Variants in SKOR2 observed in about 807,000 individuals in gnomAD.
SKOR2 encodes the protein LBX1 corepressor 1-like protein.
A neutral mutation model predicts 69.1 loss-of-function variants in SKOR2; 47 were observed. That is an observed-to-expected ratio of 0.68 (90% CI 0.54 to 0.87). The LOEUF is 0.87. Ranked by LOEUF, SKOR2 falls within the 40% of genes least tolerant of loss-of-function variation. SKOR2 has a pLI of 0.00. For missense variants in SKOR2, 1,404 were observed against 1,472.2 expected, an observed-to-expected ratio of 0.95 and a Z score of 0.76; for synonymous variants, 717 against 672.6, an observed-to-expected ratio of 1.07 and a Z score of -1.02.
intron 7 of SKOR2, among the ~76,000 whole-genome samples, chr18:47,215,493 T>A (rs1041695454): frequency 1.3e-5 from 2 of 152,114 alleles, no homozygotes; most frequent in African/African-American, 4.8e-5. Context: ...AAGAGCTGTG[T>A]CCTTGCCAAA....
chr18:47,240,162 A>G (rs79766080), intron 4 of SKOR2, among the ~76,000 whole-genome samples: 4,493 of 152,272 alleles, frequency 0.03, 214 homozygotes, highest in African/African-American at 0.1. Flanking sequence ...ACTTCTATAC[A>G]TATAAAAAGA....
At chr18:47,223,621 A>T (rs1459513545) in intron 6 of SKOR2, among the ~76,000 whole-genome samples, 1 of 152,256 alleles carries the variant, frequency 6.6e-6, no homozygotes, top group Non-Finnish European at 1.5e-5. Context: ...GTGTAGTAAC[A>T]GAACGAGGCA....
At chr18:47,208,118 G>T (rs1220068134) in intron 8 of SKOR2, among the ~76,000 whole-genome samples, 2 of 152,178 alleles carry the variant, frequency 1.3e-5, no homozygotes, top group African/African-American at 4.8e-5. Context: ...GAGATTAAAT[G>T]ATGTTACTCA....
intron 4 of SKOR2, among the ~76,000 whole-genome samples, chr18:47,239,263 C>T (rs932953387): frequency 6.6e-6 from 1 of 151,996 alleles, no homozygotes; most frequent in Non-Finnish European, 1.5e-5. Context: ...GGGATATAGA[C>T]TTCTAATTTC....
chr18:47,231,636 G>T (rs1600036003), intron 4 of SKOR2, among the ~76,000 whole-genome samples: 1 of 152,158 alleles, frequency 6.6e-6, no homozygotes, highest in African/African-American at 2.4e-5. Context: ...TTGACGTCAG[G>T]AGTTCAAGAC....
At chr18:47,249,719 A>T (rs1326890089) in intron 1 of SKOR2, among the ~76,000 whole-genome samples, 1 of 152,120 alleles carries the variant, frequency 6.6e-6, no homozygotes, top group Admixed American at 6.5e-5. Context: ...TTAAAAAGTG[A>T]TTTTCTTGGT....
At chr18:47,227,588 C>T (rs1020766450) in intron 6 of SKOR2, among the ~76,000 whole-genome samples, 6 of 152,128 alleles carry the variant, frequency 3.9e-5, no homozygotes, top group African/African-American at 1.2e-4. Flanking sequence ...GGCTCAGCCT[C>T]CCAAAGTGCT....
Position 47,249,699 on chromosome 18 carries a change from C to T in SKOR2, c.-47-469G>A, listed in dbSNP as rs547392340. Among the ~76,000 whole-genome samples the T allele has an allele frequency of 2.0e-5, 3 of 152,122 alleles. No homozygotes were observed. In the South Asian group the frequency reaches 6.2e-4, roughly 32 times the overall value. ...ATTGATTTTGGTTAAAAAGTAACCC[C>T]CAAAACCCTTTAAAAAGTGATTTTC... On this transcript the variant is annotated intron_variant, in intron 1 of 8. Transcript: ENST00000425639.
At chr18:47,245,433 A>C in intron 3 of SKOR2, 65 bp downstream of exon 3, 1 of 1,394,818 alleles carries the variant, frequency 7.2e-7, no homozygotes, top group East Asian at 2.6e-5. Flanking sequence ...GCTGGGCATA[A>C]GTCTCACAGA....
intron 4 of SKOR2, among the ~76,000 whole-genome samples, chr18:47,241,236 A>G (rs1181312923): frequency 1.3e-5 from 2 of 152,240 alleles, no homozygotes. Context: ...AATGAATGCT[A>G]TCATGTAGAT....
At chr18:47,251,307 G>C (rs899540014) in intron 1 of SKOR2, 67 bp downstream of exon 1, 1 of 152,160 alleles carries the variant, frequency 6.6e-6, no homozygotes, top group Non-Finnish European at 1.5e-5. Context: ...AAATCCTACC[G>C]CTGGGGATCT....
chr18:47,250,983 G>A (rs906668047), intron 1 of SKOR2, among the ~76,000 whole-genome samples: 3 of 152,082 alleles, frequency 2.0e-5, no homozygotes, highest in Non-Finnish European at 4.4e-5. Context: ...CAGCCGGGGC[G>A]GGAAGCTGGC....
intron 4 of SKOR2, among the ~76,000 whole-genome samples, chr18:47,238,462 A>G (rs2064235116): frequency 6.6e-6 from 1 of 151,170 alleles, no homozygotes; most frequent in South Asian, 2.1e-4. Flanking sequence ...AGCTGGGATT[A>G]CAGGTGGCTG....
At chr18:47,235,787 A>C (rs1007863790) in intron 4 of SKOR2, among the ~76,000 whole-genome samples, 1 of 150,142 alleles carries the variant, frequency 6.7e-6, no homozygotes, top group African/African-American at 2.4e-5. Context: ...AAGCAAAAAA[A>C]AAAAAAAAAA....
rs1021864194 is a variant in SKOR2, at chr18:47,246,779, C to G, written c.2405G>C (p.Arg802Pro). ...GPSEKGSSRDRAPAVAGAFPL... is the reference protein window; with the variant it reads ...GPSEKGSSRDPAPAVAGAFPL... ...GAACGCGCCCGCGACGGCCGGCGCG[C>G]GGTCCCGGCTGCTCCCCTTCTCCGA... The change falls in exon 2 of 9, where the codon CGC becomes CCC. Residue 802 changes from arginine (R) to proline (P), a missense_variant. Coordinates refer to ENST00000425639, the MANE Select transcript of SKOR2 (RefSeq NM_001278063.4). The G allele has an allele frequency of 7.1e-7, 1 of 1,404,466 alleles. No individual in the cohort carries two copies. The highest frequency in any genetic ancestry group is 9.2e-7 in the Non-Finnish European group (1 of 1,089,268). The allele number at this position is 1,404,466 out of a possible 1,614,324, so 87.0% of individuals were successfully genotyped here.
At chr18:47,217,227 T>A (rs2144482466) in intron 7 of SKOR2, among the ~76,000 whole-genome samples, 1 of 152,340 alleles carries the variant, frequency 6.6e-6, no homozygotes, top group South Asian at 2.1e-4. Flanking sequence ...GGCCACACCA[T>A]TAAATTGATT....
chr18:47,229,295 A>G (rs1026726611), intron 6 of SKOR2, among the ~76,000 whole-genome samples: 1 of 152,200 alleles, frequency 6.6e-6, no homozygotes, highest in African/African-American at 2.4e-5. Flanking sequence ...TAATAACAAG[A>G]AGCATGCTGA....
intron 6 of SKOR2, among the ~76,000 whole-genome samples, chr18:47,225,630 A>G (rs560414257): frequency 1.3e-5 from 2 of 152,186 alleles, no homozygotes; most frequent in Non-Finnish European, 2.9e-5. Flanking sequence ...AACTCATGGT[A>G]CTAGAAATGA....
intron 4 of SKOR2, among the ~76,000 whole-genome samples, chr18:47,237,705 T>C (rs982803214): frequency 4.0e-5 from 6 of 151,402 alleles, no homozygotes; most frequent in South Asian, 2.1e-4. Flanking sequence ...TTTTCTTTTT[T>C]TTTTTTTTTT....
Sources: gnomAD v4.1 joint callset for allele counts (sites outside exome capture counted in the v4.1 genomes callset) on GRCh38, gnomAD v4.1.1 for gene constraint, MANE v1.5 for transcripts, NCBI Gene and HGNC (gene_info 2026-07-23, HGNC 2026-07-21) for gene names.